COL23A1: variants seen among roughly 807,000 people sequenced by gnomAD.
COL23A1 encodes collagen alpha-1(XXIII) chain.
A neutral mutation model predicts 99.3 loss-of-function variants in COL23A1; 97 were observed. The ratio of observed to expected loss-of-function variants is 0.98; its 90% CI spans 0.83 to 1.16. COL23A1 has a LOEUF of 1.16. COL23A1 is among the 50% of genes most tolerant of loss of function. COL23A1 has a pLI of 0.00. For synonymous variants in COL23A1, 320 were observed against 308.2 expected (o/e 1.04, Z -0.40); for missense variants, 762 against 757.4 (o/e 1.01, Z -0.07).
At chr5:178,460,804 G>C (rs1756078300) in intron 2 of COL23A1, among the ~76,000 whole-genome samples, 1 of 152,150 alleles carries the variant, frequency 6.6e-6, no homozygotes, top group African/African-American at 2.4e-5. Context: ...TATGTTGCTA[G>C]GATATATGGA....
chr5:178,519,793 G>GTA (rs1332343313), intron 2 of COL23A1, among the ~76,000 whole-genome samples: 4 of 152,212 alleles, frequency 2.6e-5, no homozygotes, highest in African/African-American at 9.7e-5. Context: ...AATGAATGAT[G>GTA]TATAGATGGA....
chr5:178,258,604 C>T (rs1240268256), intron 12 of COL23A1, among the ~76,000 whole-genome samples: 1 of 151,936 alleles, frequency 6.6e-6, no homozygotes, highest in African/African-American at 2.4e-5. Flanking sequence ...ACCGCGTTAG[C>T]CAGGATGGTC....
chr5:178,577,517 G>A (rs1031572567), intron 1 of COL23A1, among the ~76,000 whole-genome samples: 3 of 152,310 alleles, frequency 2.0e-5, no homozygotes, highest in African/African-American at 2.4e-5. Flanking sequence ...GACAGGACCC[G>A]GGGAATCCGC....
intron 8 of COL23A1, chr5:178,265,780 CT>C (rs1755855475): frequency 1.1e-6 from 1 of 901,644 alleles, no homozygotes; most frequent in Middle Eastern, 5.6e-4. Flanking sequence ...ATCTGAAGAA[CT>C]ACAAGGCTTT....
At chr5:178,360,475 G>A (rs561050160) in intron 2 of COL23A1, among the ~76,000 whole-genome samples, 43 of 152,352 alleles carry the variant, frequency 2.8e-4, no homozygotes, top group African/African-American at 9.4e-4. Context: ...CCTCATGTGG[G>A]GGGGGATGGA....
At chr5:178,572,286 C>A (rs1763149420) in intron 1 of COL23A1, among the ~76,000 whole-genome samples, 1 of 151,700 alleles carries the variant, frequency 6.6e-6, no homozygotes, top group Non-Finnish European at 1.5e-5. Context: ...TGTGGGACTT[C>A]AAGTGGTCAA....
chr5:178,450,569 C>T (rs1032036426), intron 2 of COL23A1, among the ~76,000 whole-genome samples: 7 of 152,132 alleles, frequency 4.6e-5, no homozygotes, highest in African/African-American at 1.4e-4. Context: ...TGTGCTGTTA[C>T]GAAAGAGGAA....
intron 2 of COL23A1, among the ~76,000 whole-genome samples, chr5:178,425,366 G>A (rs958809333): frequency 2.0e-5 from 3 of 151,924 alleles, no homozygotes; most frequent in African/African-American, 4.8e-5. Context: ...AGGTTGCAGT[G>A]AGCCGAGATC....
At chr5:178,404,470 C>T (rs529199962) in intron 2 of COL23A1, among the ~76,000 whole-genome samples, 1 of 139,842 alleles carries the variant, frequency 7.2e-6, no homozygotes, top group East Asian at 2.4e-4. Flanking sequence ...AAGAAAAGGG[C>T]ACTCCAGGCA....
intron 2 of COL23A1, among the ~76,000 whole-genome samples, chr5:178,546,302 C>T (rs975836442): frequency 1.3e-5 from 2 of 152,174 alleles, no homozygotes; most frequent in African/African-American, 4.8e-5. Flanking sequence ...CCGGAACCAC[C>T]CTGCACCCCA....
At chr5:178,323,272 C>T (rs1036452824) in intron 2 of COL23A1, among the ~76,000 whole-genome samples, 1 of 152,104 alleles carries the variant, frequency 6.6e-6, no homozygotes, top group African/African-American at 2.4e-5. Context: ...CAGGGAATGT[C>T]CGTGGTCCTG....
chr5:178,277,097 G>T (rs1433199538), intron 5 of COL23A1, among the ~76,000 whole-genome samples: 1 of 152,026 alleles, frequency 6.6e-6, no homozygotes, highest in African/African-American at 2.4e-5. Flanking sequence ...TGGGCATAAC[G>T]GCTCATGCCC....
intron 2 of COL23A1, among the ~76,000 whole-genome samples, chr5:178,542,589 C>T (rs566486748): frequency 7.8e-4 from 118 of 151,748 alleles, no homozygotes; most frequent in African/African-American, 2.7e-3. Context: ...GCTCTTACAT[C>T]GGAAAGGGTG....
intron 2 of COL23A1, among the ~76,000 whole-genome samples, chr5:178,478,406 T>C (rs897494188): frequency 6.6e-6 from 1 of 152,198 alleles, no homozygotes; most frequent in South Asian, 2.1e-4. Flanking sequence ...GCCTCCAGAC[T>C]CAAAACGATA....
chr5:178,295,469 A>G (rs1446903928), intron 3 of COL23A1, among the ~76,000 whole-genome samples: 1 of 152,184 alleles, frequency 6.6e-6, no homozygotes, highest in African/African-American at 2.4e-5. Context: ...CAAAAAAATG[A>G]AAAAAATCTC....
At chr5:178,389,148 T>C (rs1763827172) in intron 2 of COL23A1, among the ~76,000 whole-genome samples, 1 of 151,754 alleles carries the variant, frequency 6.6e-6, no homozygotes, top group Admixed American at 6.6e-5. Context: ...AACCCAGCCT[T>C]GACTGACTCC....
intron 2 of COL23A1, among the ~76,000 whole-genome samples, chr5:178,536,671 C>T (rs560614126): frequency 6.6e-6 from 1 of 152,280 alleles, no homozygotes; most frequent in South Asian, 2.1e-4. Flanking sequence ...GCTGCACAGG[C>T]CCATTCAGGG....
chr5:178,414,474 T>TA (rs1335649164), intron 2 of COL23A1, among the ~76,000 whole-genome samples: 2 of 135,632 alleles, frequency 1.5e-5, no homozygotes, highest in African/African-American at 5.1e-5. Context: ...GGTAAATGTG[T>TA]AAAAAAAGGC....
rs370693165 is a variant in COL23A1, at chr5:178,353,969, AC to A, written c.362-47051del. ...AAAAAAAAAAACCAAAAAAACCCCA[AC>A]AAAAAACAGGGAGAAAAGACTGGAT... On this transcript the variant is annotated intron_variant, in intron 2 of 28. Transcript: ENST00000390654. Among the ~76,000 whole-genome samples the A allele has an allele frequency of 2.5e-4, 38 of 151,940 alleles. 1 individual carries two copies. Among genetic ancestry groups the A allele is most frequent in the African/African-American group, 8.2e-4 (34 of 41,470 alleles).
Sources: gnomAD v4.1 joint callset for allele counts (sites outside exome capture counted in the v4.1 genomes callset) on GRCh38, gnomAD v4.1.1 for gene constraint, MANE v1.5 for transcripts, NCBI Gene and HGNC (gene_info 2026-07-23, HGNC 2026-07-21) for gene names.